The following MYH10 variants were observed in gnomAD, a reference collection of about 807,000 sequenced individuals.
MYH10 encodes myosin heavy chain 10.
In MYH10, 55 loss-of-function variants were observed where a neutral mutation model predicts 257.8. That is an observed-to-expected ratio of 0.21 (90% CI 0.17 to 0.27). The LOEUF is 0.27. Among genes scored for constraint, MYH10 ranks in the 10% least tolerant of loss-of-function variants. MYH10 has a pLI of 1.00. For synonymous variants in MYH10, 854 were observed against 921.7 expected, an observed-to-expected ratio of 0.93 and a Z score of 1.33; for missense variants, 1,631 against 2,500.6, an observed-to-expected ratio of 0.65 and a Z score of 7.42.
intron 3 of MYH10, among the ~76,000 whole-genome samples, chr17:8,601,430 A>G (rs1328045344): frequency 6.6e-6 from 1 of 152,244 alleles, no homozygotes; most frequent in Non-Finnish European, 1.5e-5. Context: ...ATGCAAGATG[A>G]AGCGTATCTC....
chr17:8,492,958 TC>T lies in MYH10; in HGVS notation c.4275del (p.Lys1426ArgfsTer4). 1 of 1,614,180 alleles carries T rather than the reference TC, an allele frequency of 6.2e-7. No homozygotes were observed. Among genetic ancestry groups the T allele is most frequent in the Non-Finnish European group, 8.5e-7 (1 of 1,180,028 alleles). ...LGTIESLEEA[K>X]KKLLKDAEAL... Reference sequence around the variant, plus strand: ...GCCTCCGCGTCCTTCAGAAGCTTCTTCTTGGCTTCTTCCAGACTTTCAATTG... The same window carrying T: ...GCCTCCGCGTCCTTCAGAAGCTTCTTTTGGCTTCTTCCAGACTTTCAATTG... On this transcript the variant is annotated frameshift_variant, in exon 33 of 43. Coordinates refer to ENST00000360416, the MANE Select transcript of MYH10 (RefSeq NM_001256012.3). LOFTEE classifies it high-confidence loss of function.
chr17:8,530,568 C>T, intron 17 of MYH10, 55 bp downstream of exon 17: 8 of 633,320 alleles, frequency 1.3e-5, no homozygotes, highest in Non-Finnish European at 1.3e-5. Flanking sequence ...ACACGTTTTT[C>T]CTGTGGGCTT....
At chr17:8,592,132 T>C (rs2084171135) in intron 3 of MYH10, among the ~76,000 whole-genome samples, 1 of 152,230 alleles carries the variant, frequency 6.6e-6, no homozygotes, top group Non-Finnish European at 1.5e-5. Flanking sequence ...CTCAGTATTT[T>C]CCAAAGCACC....
intron 40 of MYH10, among the ~76,000 whole-genome samples, 198 bp from the exon 41 acceptor site, chr17:8,478,644 A>T (rs1913116530): frequency 6.6e-6 from 1 of 152,234 alleles, no homozygotes; most frequent in Non-Finnish European, 1.5e-5. Context: ...TGTATTCCTC[A>T]ATAGTGACAG....
intron 16 of MYH10, among the ~76,000 whole-genome samples, chr17:8,532,602 C>T (rs1468772301): frequency 6.6e-6 from 1 of 152,142 alleles, no homozygotes; most frequent in African/African-American, 2.4e-5. Context: ...CAGCTTCTGA[C>T]CTATTGTTGC....
At chr17:8,508,798 C>G in intron 25 of MYH10, 121 bp from the exon 26 acceptor site, 1 of 1,153,878 alleles carries the variant, frequency 8.7e-7, no homozygotes, top group African/African-American at 1.5e-5. Flanking sequence ...ACTGCCTCCC[C>G]CAGCAGACTG....
chr17:8,501,026 A>G (rs1917433780), intron 28 of MYH10, 56 bp from the exon 29 acceptor site: 1 of 1,528,340 alleles, frequency 6.5e-7, no homozygotes, highest in African/African-American at 1.4e-5. Flanking sequence ...TTAAAAACAC[A>G]TTTTCTTTTT....
chr17:8,560,515 T>C, intron 7 of MYH10: 1 of 571,290 alleles, frequency 1.8e-6, no homozygotes, highest in South Asian at 1.5e-5. Flanking sequence ...TGATGGTAAC[T>C]CCTTTGGCCC....
At chr17:8,501,156 GAGT>G (rs1430817374) in intron 28 of MYH10, among the ~76,000 whole-genome samples, 186 bp from the exon 29 acceptor site, 1 of 152,176 alleles carries the variant, frequency 6.6e-6, no homozygotes, top group Non-Finnish European at 1.5e-5. Flanking sequence ...CTAGAGAGCT[GAGT>G]AGTGGTTCAT....
At chr17:8,558,389 G>A (rs2082876138) in intron 7 of MYH10, among the ~76,000 whole-genome samples, 1 of 152,128 alleles carries the variant, frequency 6.6e-6, no homozygotes, top group Non-Finnish European at 1.5e-5. Flanking sequence ...CACAGAAACA[G>A]TGCCAGCCGA....
chr17:8,531,542 C>T (rs2082002393), intron 16 of MYH10, among the ~76,000 whole-genome samples: 1 of 140,994 alleles, frequency 7.1e-6, no homozygotes, highest in South Asian at 2.3e-4. Context: ...ACAAACTCTA[C>T]TTTTTTTCTT....
chr17:8,629,290 G>A (rs1436577695), intron 1 of MYH10, among the ~76,000 whole-genome samples: 2 of 152,178 alleles, frequency 1.3e-5, no homozygotes, highest in Non-Finnish European at 2.9e-5. Context: ...GAAAACAGCA[G>A]TCTTTGTTTC....
intron 2 of MYH10, among the ~76,000 whole-genome samples, chr17:8,619,145 C>A (rs1340207354): frequency 6.6e-6 from 1 of 152,204 alleles, no homozygotes; most frequent in Non-Finnish European, 1.5e-5. Context: ...GGCATACTTA[C>A]CATTTTGTCA....
At chr17:8,579,029 G>A (rs1434716486) in intron 4 of MYH10, among the ~76,000 whole-genome samples, 2 of 152,164 alleles carry the variant, frequency 1.3e-5, no homozygotes, top group South Asian at 2.1e-4. Flanking sequence ...CTCATCCTGG[G>A]ACTTTGGGAT....
intron 14 of MYH10, among the ~76,000 whole-genome samples, chr17:8,536,880 T>TG (rs991114245): frequency 8.6e-5 from 13 of 151,514 alleles, no homozygotes; most frequent in Admixed American, 5.3e-4. Flanking sequence ...GAACAGAATG[T>TG]GGAGTGACCA....
chr17:8,509,674 T>TA, intron 25 of MYH10, 138 bp downstream of exon 25: 2 of 773,008 alleles, frequency 2.6e-6, no homozygotes, highest in Non-Finnish European at 3.8e-6. Flanking sequence ...AGTAGAGACT[T>TA]ACAGAGAAAA....
chr17:8,495,792 C>A (rs983229392), intron 30 of MYH10, among the ~76,000 whole-genome samples: 2 of 152,014 alleles, frequency 1.3e-5, no homozygotes, highest in Admixed American at 6.6e-5. Context: ...TCACTGCAAC[C>A]TTTGCCTCCT....
At position 8,490,820 on chromosome 17, in the gene MYH10, G is replaced by A. The variant is rs1438382081; in HGVS notation, c.4672-268C>T. On this transcript the variant is annotated intron_variant, in intron 34 of 42. Coordinates refer to ENST00000360416, the MANE Select transcript of MYH10 (RefSeq NM_001256012.3). This position sits in a 1 kb window ranked among gnomAD's most constrained non-coding sequence, Gnocchi z 4.1. ...ATCCTCCTCTGATGACCTTTAAGCTGAGAGCTCTTCAGTGAGCCAAAGAAC... is the reference window on the plus strand; with the variant it reads ...ATCCTCCTCTGATGACCTTTAAGCTAAGAGCTCTTCAGTGAGCCAAAGAAC... Among the ~76,000 whole-genome samples the A allele has an allele frequency of 6.6e-6, 1 of 152,160 alleles. No individual in the cohort carries two copies. Among genetic ancestry groups the A allele is most frequent in the Non-Finnish European group, 1.5e-5 (1 of 68,022 alleles).
intron 14 of MYH10, among the ~76,000 whole-genome samples, chr17:8,540,328 A>T (rs2082259173): frequency 2.6e-5 from 4 of 152,098 alleles, no homozygotes; most frequent in Non-Finnish European, 5.9e-5. Context: ...GGAGTTGGTT[A>T]TTAGGGTTGA....
Sources: gnomAD v4.1 joint callset for allele counts (sites outside exome capture counted in the v4.1 genomes callset) on GRCh38, gnomAD v4.1.1 for gene constraint, Gnocchi (gnomAD v3.1) non-coding constraint, MANE v1.5 for transcripts, NCBI Gene and HGNC (gene_info 2026-07-23, HGNC 2026-07-21) for gene names.